The following PLEKHG1 variants were observed in gnomAD, a reference collection of about 807,000 sequenced individuals.
PLEKHG1 encodes the protein pleckstrin homology domain-containing family G member 1.
A neutral mutation model predicts 100.8 loss-of-function variants in PLEKHG1; 44 were observed. That is an observed-to-expected ratio of 0.44 (90% CI 0.34 to 0.56). The LOEUF is 0.56. Among genes scored for constraint, PLEKHG1 ranks in the 20% least tolerant of loss-of-function variants. PLEKHG1 has a pLI of 0.01. For synonymous variants in PLEKHG1, 640 were observed against 662.5 expected (o/e 0.97, Z 0.52); for missense variants, 1,545 against 1,720.9 (o/e 0.90, Z 1.81).
chr6:150,795,726 A>C (rs1786287357), intron 4 of PLEKHG1, 130 bp from the exon 6 acceptor site: 1 of 383,916 alleles, frequency 2.6e-6, no homozygotes, highest in Non-Finnish European at 4.5e-6. Context: ...CCGCCTAAAA[A>C]AAAAAACAAA....
chr6:150,836,145 G>A (rs1777210844), intron 15 of PLEKHG1, among the ~76,000 whole-genome samples: 2 of 152,156 alleles, frequency 1.3e-5, no homozygotes, highest in African/African-American at 4.8e-5. Context: ...GGGAGGCTGA[G>A]GCGGGCAGAT....
intron 3 of PLEKHG1, among the ~76,000 whole-genome samples, chr6:150,781,101 C>T (rs868164581): frequency 6.6e-6 from 1 of 151,504 alleles, no homozygotes; most frequent in Non-Finnish European, 1.5e-5. Context: ...TCTCGAACTC[C>T]TGACCTCAGG....
rs920964281 is a variant in PLEKHG1, at chr6:150,730,963, C to T, written c.-98-2621C>T. Among the ~76,000 whole-genome samples the T allele has an allele frequency of 4.6e-5, 7 of 151,966 alleles. No homozygotes were observed. In the East Asian group the frequency reaches 9.6e-4, roughly 21 times the overall value. The stretch of plus-strand genomic sequence containing the variant: ...TCCCAAATCATAGCCTCATTGGACC[C>T]TTGGGATCTCAAAATATCCTCAGAT... On this transcript the variant is annotated intron_variant, in intron 1 of 15. Coordinates refer to ENST00000358517, the Ensembl canonical transcript of PLEKHG1.
intron 1 of PLEKHG1, among the ~76,000 whole-genome samples, chr6:150,613,790 C>T (rs935209359): frequency 1.1e-4 from 16 of 152,198 alleles, no homozygotes; most frequent in Non-Finnish European, 2.4e-4. Context: ...GTGCCTTATT[C>T]CCCTCTAGTA....
In PLEKHG1 at chr6:150,618,046, T is replaced by TTA. The variant is rs1165441401; in HGVS notation, c.-204+18032_-204+18033dup. ...CATATACATATAAGTTTATTATAAA[T>TTA]TATACTCATAGAATGTGTGATACAA... On this transcript the variant is annotated intron_variant, in intron 1 of 3. Transcript: ENST00000367326. Among the ~76,000 whole-genome samples the TTA allele has an allele frequency of 3.9e-5, 6 of 152,350 alleles. No individual in the cohort carries two copies. The East Asian group carries it at 1.2e-3, about 29-fold the overall frequency.
chr6:150,636,938 A>T (rs1223582458), intron 1 of PLEKHG1, among the ~76,000 whole-genome samples: 1 of 152,136 alleles, frequency 6.6e-6, no homozygotes, highest in African/African-American at 2.4e-5. Context: ...AGCATCCTTT[A>T]TTCATTTCTT....
intron 1 of PLEKHG1, among the ~76,000 whole-genome samples, chr6:150,726,663 AT>A (rs563628666): frequency 3.3e-5 from 5 of 151,662 alleles, no homozygotes; most frequent in Admixed American, 1.3e-4. Context: ...GGGTAACAAG[AT>A]TTTTTTTTCA....
chr6:150,716,121 A>G (rs1319120250), upstream of PLEKHG1, among the ~76,000 whole-genome samples: 1 of 135,978 alleles, frequency 7.4e-6, no homozygotes, highest in African/African-American at 2.9e-5. Flanking sequence ...AAAAAAAAAA[A>G]AGAAAAGAAA....
chr6:150,682,187 G>A (rs1273847431), intron 3 of PLEKHG1, among the ~76,000 whole-genome samples: 2 of 152,086 alleles, frequency 1.3e-5, no homozygotes, highest in African/African-American at 2.4e-5. Flanking sequence ...CAGGCCCAGC[G>A]ACACTCCAGA....
intron 3 of PLEKHG1, among the ~76,000 whole-genome samples, chr6:150,665,413 G>T (rs1460815706): frequency 6.6e-6 from 1 of 152,108 alleles, no homozygotes; most frequent in Non-Finnish European, 1.5e-5. Flanking sequence ...GGTAGATCAC[G>T]AGGTCAGGAG....
rs112737006 is a variant in PLEKHG1, at chr6:150,771,415, TTGAATGAA to T, written c.512+2698_512+2705del. Among the ~76,000 whole-genome samples the T allele has an allele frequency of 9.6e-4, 146 of 151,830 alleles. 1 individual carries two copies. Among genetic ancestry groups the T allele is most frequent in the African/African-American group, 2.9e-3 (122 of 41,446 alleles). On this transcript the variant is annotated intron_variant, in intron 3 of 15. Coordinates refer to ENST00000358517, the Ensembl canonical transcript of PLEKHG1. ...CTGGGCAACAGAGTGAGACTCCATC[TTGAATGAA>T]TGAATGAATGAATGAATGAACGAAC...
At chr6:150,638,713 CTTAA>C (rs1778122675) in intron 2 of PLEKHG1, among the ~76,000 whole-genome samples, 1 of 152,158 alleles carries the variant, frequency 6.6e-6, no homozygotes, top group African/African-American at 2.4e-5. Flanking sequence ...TACCTAAAAA[CTTAA>C]TTAAACTGAA....
chr6:150,649,974 T>C (rs1215052078), intron 2 of PLEKHG1, among the ~76,000 whole-genome samples: 3 of 150,498 alleles, frequency 2.0e-5, no homozygotes, highest in Admixed American at 6.7e-5. Context: ...ATGGCGCCAC[T>C]GCACTCCAGC....
At chr6:150,712,671 A>C (rs984362317) in intron 3 of PLEKHG1, among the ~76,000 whole-genome samples, 1 of 152,194 alleles carries the variant, frequency 6.6e-6, no homozygotes, top group Non-Finnish European at 1.5e-5. Context: ...AAGTTACTTC[A>C]TGTACCTCTG....
chr6:150,715,393 A>T (rs1347285122), intron 3 of PLEKHG1, among the ~76,000 whole-genome samples: 1 of 152,182 alleles, frequency 6.6e-6, no homozygotes, highest in African/African-American at 2.4e-5. Flanking sequence ...TTACAGGAGG[A>T]AGGTCAGCGT....
At chr6:150,622,766 T>G (rs966254804) in intron 1 of PLEKHG1, among the ~76,000 whole-genome samples, 1 of 152,224 alleles carries the variant, frequency 6.6e-6, no homozygotes, top group Non-Finnish European at 1.5e-5. Context: ...GTTTTGCCAC[T>G]GCAGGAGATT....
At chr6:150,762,356 A>AT (rs35841121) in intron 2 of PLEKHG1, among the ~76,000 whole-genome samples, 175 of 145,764 alleles carry the variant, frequency 1.2e-3, no homozygotes, top group Admixed American at 1.8e-3. Flanking sequence ...AGCCCGGCTA[A>AT]TTTTTTTTTT....
chr6:150,799,071 G>T (rs1464880124), intron 5 of PLEKHG1, among the ~76,000 whole-genome samples: 1 of 151,898 alleles, frequency 6.6e-6, no homozygotes, highest in African/African-American at 2.4e-5. Context: ...AAAAAAAATT[G>T]AGTCTGACTT....
At chr6:150,701,990 A>T (rs1224287564) in intron 3 of PLEKHG1, among the ~76,000 whole-genome samples, 1 of 152,214 alleles carries the variant, frequency 6.6e-6, no homozygotes, top group Non-Finnish European at 1.5e-5. Flanking sequence ...TGAAGTTAAA[A>T]TCTATGATCA....
Sources: gnomAD v4.1 joint callset for allele counts (sites outside exome capture counted in the v4.1 genomes callset) on GRCh38, gnomAD v4.1.1 for gene constraint, MANE v1.5 for transcripts, NCBI Gene and HGNC (gene_info 2026-07-23, HGNC 2026-07-21) for gene names.